The following RING1 variants were observed in gnomAD, a reference collection of about 807,000 sequenced individuals.
RING1 encodes ring finger protein 1.
RING1 carries 8 observed loss-of-function variants against 35.0 expected under a neutral mutation model. That is an observed-to-expected ratio of 0.23 (90% confidence interval 0.13 to 0.41). RING1 has a LOEUF of 0.41. Among genes scored for constraint, RING1 ranks in the 10% least tolerant of loss-of-function variants. The pLI, the probability that RING1 is intolerant of heterozygous loss-of-function variation, is 1.00. For missense variants in RING1, 343 were observed against 546.8 expected (o/e 0.63, Z 3.72); for synonymous variants, 214 against 224.3 (o/e 0.95, Z 0.41).
chr6:33,211,607 A>G lies in RING1; in HGVS notation c.845+60A>G. ...ACCAAAGATCACCTAGATTTCCATC[A>G]GAAGTGGGCTTTGCCCAAACCCAAA... On this transcript the variant is annotated intron_variant, in intron 5 of 6. Coordinates refer to ENST00000374656, the MANE Select transcript of RING1 (RefSeq NM_002931.4). This position sits in a 1 kb window ranked among gnomAD's most constrained non-coding sequence, Gnocchi z 6.3. 1 of 1,581,638 alleles carries G rather than the reference A, an allele frequency of 6.3e-7. No individual in the cohort carries two copies. Among genetic ancestry groups the G allele is most frequent in the Non-Finnish European group, 8.6e-7 (1 of 1,168,216 alleles).
Position 33,208,670 on chromosome 6 carries a change from C to A in RING1, c.-59+26C>A, listed in dbSNP as rs1046719372. Reference sequence around the variant, plus strand: ...GTGAGGGGCAGTGCCGGCGCGGGGGCGGGAGCGGGGGCGGAGAGGGGCGCT... The same window carrying A: ...GTGAGGGGCAGTGCCGGCGCGGGGGAGGGAGCGGGGGCGGAGAGGGGCGCT... On this transcript the variant is annotated intron_variant, in intron 1 of 6. Coordinates refer to ENST00000374656, the MANE Select transcript of RING1 (RefSeq NM_002931.4). The surrounding 1 kb of genome is among the most constrained non-coding windows in gnomAD (Gnocchi z 6.2). 4.7e-5 allele frequency: 29 copies of A among 613,186 alleles called. No homozygotes were observed. The Middle Eastern group carries it at 1.8e-3, about 37-fold the overall frequency. 38.0% of individuals were successfully genotyped at this position (613,186 alleles called of 1,614,324 possible). A position where few individuals can be genotyped will look rare whatever the true frequency, so the allele number is the denominator to read the frequency against.
Position 33,209,328 on chromosome 6 carries a change from T to A in RING1, c.79-298T>A. 1.7e-6 allele frequency: 1 copy of A among 575,678 alleles called. No individual in the cohort carries two copies. Among genetic ancestry groups the A allele is most frequent in the Non-Finnish European group, 3.1e-6 (1 of 323,294 alleles). 35.7% of individuals were successfully genotyped at this position (575,678 alleles called of 1,614,324 possible). ...CAGGTAGCACCAGGACTTTAAAAAA[T>A]TTTGTTGAATAGTTTTTCCCAACCA... On this transcript the variant is annotated intron_variant, in intron 2 of 6. Transcript: ENST00000374656. The surrounding 1 kb of genome is among the most constrained non-coding windows in gnomAD (Gnocchi z 5.1).
In RING1 at chr6:33,211,572, C is replaced by T. The variant is rs749900494; in HGVS notation, c.845+25C>T. 6.2e-7 allele frequency: 1 copy of T among 1,601,170 alleles called. No homozygotes were observed. The highest frequency in any genetic ancestry group is 8.5e-7 in the Non-Finnish European group (1 of 1,177,076). Reference sequence around the variant, plus strand: ...GGTGAGGAGCCCTGTCTTTCCCCAGCCACTGAGAAACCAAAGATCACCTAG... The same window carrying T: ...GGTGAGGAGCCCTGTCTTTCCCCAGTCACTGAGAAACCAAAGATCACCTAG... On this transcript the variant is annotated intron_variant, in intron 5 of 6. Coordinates refer to ENST00000374656, the MANE Select transcript of RING1 (RefSeq NM_002931.4). The surrounding 1 kb of genome is among the most constrained non-coding windows in gnomAD (Gnocchi z 6.3).
At position 33,208,963 on chromosome 6, in the gene RING1, A is replaced by C. The variant is rs966265554; in HGVS notation, c.78+63A>C. 1.2e-5 allele frequency: 16 copies of C among 1,309,032 alleles called. No individual in the cohort carries two copies. The highest frequency in any genetic ancestry group is 1.7e-5 in the Non-Finnish European group (16 of 919,094). 81.1% of individuals were successfully genotyped at this position (1,309,032 alleles called of 1,614,324 possible). On this transcript the variant is annotated intron_variant, in intron 2 of 6. Transcript: ENST00000374656. This position sits in a 1 kb window ranked among gnomAD's most constrained non-coding sequence, Gnocchi z 6.2. Reference sequence around the variant, plus strand: ...CCAAACCCTTATATCCACAGACCGCATCACACAGCTTCTTTTCCGTAATTT... The same window carrying C: ...CCAAACCCTTATATCCACAGACCGCCTCACACAGCTTCTTTTCCGTAATTT...
intron 6 of RING1, 22 bp downstream of exon 6, chr6:33,212,024 G>A: frequency 2.0e-6 from 3 of 1,495,818 alleles, no homozygotes; most frequent in Non-Finnish European, 2.7e-6. Flanking sequence ...TGAGGGCAGT[G>A]GTAGAAGAGG....
chr6:33,209,666 G>A lies in RING1; in HGVS notation c.119G>A (p.Arg40Gln), dbSNP rs1362114490. ...MDGTEIAVSP[R>Q]SLHSELMCPI... ...GGCACAGAGATTGCTGTTTCCCCTC[G>A]GTCACTGCATTCAGAACTCATGTGC... Residue 40 changes from arginine (R) to glutamine (Q), a missense_variant, in exon 3 of 7, where the codon CGG becomes CAG. By Grantham distance (43) the Arg-to-Gln change is conservative. Coordinates refer to ENST00000374656, the MANE Select transcript of RING1 (RefSeq NM_002931.4). The surrounding 1 kb of genome is among the most constrained non-coding windows in gnomAD (Gnocchi z 5.1). 1.9e-6 allele frequency: 3 copies of A among 1,612,846 alleles called. No homozygotes were observed. Among genetic ancestry groups the A allele is most frequent in the South Asian group, 2.2e-5 (2 of 91,076 alleles).
At position 33,212,435 on chromosome 6, in the gene RING1, G is replaced by T. The variant is rs746404253; in HGVS notation, c.*36G>T. ...GGACAGCCAGAGGAAGGGGACCATG[G>T]GGTATCCCTGTGTCCTGGTCTATCA... On this transcript the variant is annotated 3_prime_UTR_variant, in exon 7 of 7. Transcript: ENST00000374656. 10 of 1,375,686 alleles carry T rather than the reference G, an allele frequency of 7.3e-6. No individual in the cohort carries two copies. The African/African-American group carries it at 1.3e-4, about 18-fold the overall frequency. The allele number at this position is 1,375,686 out of a possible 1,614,324, so 85.2% of individuals were successfully genotyped here.
At position 33,211,598 on chromosome 6, in the gene RING1, A is replaced by G. The variant is rs1775542540; in HGVS notation, c.845+51A>G. On this transcript the variant is annotated intron_variant, in intron 5 of 6. Transcript: ENST00000374656. The surrounding 1 kb of genome is among the most constrained non-coding windows in gnomAD (Gnocchi z 6.3). ...CACTGAGAAACCAAAGATCACCTAGATTTCCATCAGAAGTGGGCTTTGCCC... is the reference window on the plus strand; with the variant it reads ...CACTGAGAAACCAAAGATCACCTAGGTTTCCATCAGAAGTGGGCTTTGCCC... The G allele has an allele frequency of 1.3e-6, 2 of 1,589,430 alleles. No homozygotes were observed. The highest frequency in any genetic ancestry group is 2.2e-5 in the East Asian group (1 of 44,760).
Position 33,211,111 on chromosome 6 carries a change from G to A in RING1, c.456-47G>A. On this transcript the variant is annotated intron_variant, in intron 4 of 6. Coordinates refer to ENST00000374656, the MANE Select transcript of RING1 (RefSeq NM_002931.4). This position sits in a 1 kb window ranked among gnomAD's most constrained non-coding sequence, Gnocchi z 6.3. The stretch of plus-strand genomic sequence containing the variant: ...TAATTCTCTGAAGTTTAAAGTCTAA[G>A]CCCTTTATCCTGGATGCCTTCTAAC... 1 of 1,517,906 alleles carries A rather than the reference G, an allele frequency of 6.6e-7. No individual in the cohort carries two copies. Among genetic ancestry groups the A allele is most frequent in the African/African-American group, 1.4e-5 (1 of 71,920 alleles). The allele number at this position is 1,517,906 out of a possible 1,614,324, so 94.0% of individuals were successfully genotyped here.
Position 33,209,069 on chromosome 6 carries a change from C to G in RING1, c.78+169C>G, listed in dbSNP as rs1487659924. ...ACTTTCGCATTTAGCTCATTTAATC[C>G]TCAAAACAGCCCTGCCAGAGAGGTG... On this transcript the variant is annotated intron_variant, in intron 2 of 6. Coordinates refer to ENST00000374656, the MANE Select transcript of RING1 (RefSeq NM_002931.4). The surrounding 1 kb of genome is among the most constrained non-coding windows in gnomAD (Gnocchi z 5.1). The G allele has an allele frequency of 1.4e-6, 1 of 716,076 alleles. No homozygotes were observed. Among genetic ancestry groups the G allele is most frequent in the Non-Finnish European group, 2.6e-6 (1 of 391,880 alleles). 44.4% of individuals were successfully genotyped at this position (716,076 alleles called of 1,614,324 possible).
chr6:33,210,505 G>T (rs966430124), intron 4 of RING1, among the ~76,000 whole-genome samples: 4 of 151,900 alleles, frequency 2.6e-5, no homozygotes, highest in East Asian at 1.9e-4. Context: ...GGAGGCTGAG[G>T]TAATAGGATC....
Position 33,212,577 on chromosome 6 carries a change from G to T in RING1, c.*178G>T, listed in dbSNP as rs1775626140. ...ATGAGATTCTTCTATATTGTACAGA[G>T]TGGGGCAAAACACGCCCCCATCTGC... is the stretch of plus-strand genomic sequence containing the variant. On this transcript the variant is annotated 3_prime_UTR_variant, in exon 7 of 7. Coordinates refer to ENST00000374656, the MANE Select transcript of RING1 (RefSeq NM_002931.4). The T allele has an allele frequency of 1.9e-6, 1 of 518,412 alleles. No individual in the cohort carries two copies. The highest frequency in any genetic ancestry group is 1.9e-5 in the African/African-American group (1 of 52,122). 32.1% of individuals were successfully genotyped at this position (518,412 alleles called of 1,614,324 possible).
Position 33,211,436 on chromosome 6 carries a change from G to C in RING1, c.734G>C (p.Gly245Ala), listed in dbSNP as rs756812489. 1 of 1,578,684 alleles carries C rather than the reference G, an allele frequency of 6.3e-7. No individual in the cohort carries two copies. The highest frequency in any genetic ancestry group is 1.4e-5 in the African/African-American group (1 of 74,010). Residue 245 changes from glycine to alanine, a missense_variant, in exon 5 of 7, where the codon GGC (glycine) becomes GCC (alanine). This residue lies in a region of RING1 where 278 missense variants were observed against 383.5 expected (regional missense o/e 0.72). Transcript: ENST00000374656. This position sits in a 1 kb window ranked among gnomAD's most constrained non-coding sequence, Gnocchi z 6.3. ...RGGTLGGGTLGPPSPPGAPSP... is the reference protein window; with the variant it reads ...RGGTLGGGTLAPPSPPGAPSP... ...GGGACTCTGGGAGGGGGAACGCTGG[G>C]CCCCCCAAGCCCTCCTGGGGCCCCC...
In RING1 at chr6:33,212,444, T is replaced by C. The variant is rs1056113007; in HGVS notation, c.*45T>C. The C allele has an allele frequency of 7.7e-7, 1 of 1,291,558 alleles. No homozygotes were observed. Among genetic ancestry groups the C allele is most frequent in the Non-Finnish European group, 1.1e-6 (1 of 910,494 alleles). 80.0% of individuals were successfully genotyped at this position (1,291,558 alleles called of 1,614,324 possible). ...GAGGAAGGGGACCATGGGGTATCCCTGTGTCCTGGTCTATCACCCCAGCTT... is the reference window on the plus strand; with the variant it reads ...GAGGAAGGGGACCATGGGGTATCCCCGTGTCCTGGTCTATCACCCCAGCTT... On this transcript the variant is annotated 3_prime_UTR_variant, in exon 7 of 7. Coordinates refer to ENST00000374656, the MANE Select transcript of RING1 (RefSeq NM_002931.4).
At chr6:33,212,221 C>T (rs1775597376) in intron 6 of RING1, 77 bp from the exon 7 acceptor site, 3 of 1,110,802 alleles carry the variant, frequency 2.7e-6, no homozygotes, top group Non-Finnish European at 4.0e-6. Context: ...CACCTTTTGC[C>T]TCTCATTCAT....
chr6:33,211,576 T>C lies in RING1; in HGVS notation c.845+29T>C. 1.9e-6 allele frequency: 3 copies of C among 1,599,082 alleles called. No homozygotes were observed. The highest frequency in any genetic ancestry group is 1.7e-6 in the Non-Finnish European group (2 of 1,176,374). ...AGGAGCCCTGTCTTTCCCCAGCCAC[T>C]GAGAAACCAAAGATCACCTAGATTT... On this transcript the variant is annotated intron_variant, in intron 5 of 6. Transcript: ENST00000374656. The surrounding 1 kb of genome is among the most constrained non-coding windows in gnomAD (Gnocchi z 6.3).
At chr6:33,210,699 A>G (rs975077994) in intron 4 of RING1, among the ~76,000 whole-genome samples, 1 of 152,102 alleles carries the variant, frequency 6.6e-6, no homozygotes, top group African/African-American at 2.4e-5. Flanking sequence ...TAAGCCCCGG[A>G]TTCATACTGC....
Position 33,211,187 on chromosome 6 carries a change from G to A in RING1, c.485G>A (p.Gly162Glu). 1 of 1,610,990 alleles carries A rather than the reference G, an allele frequency of 6.2e-7. No homozygotes were observed. The highest frequency in any genetic ancestry group is 1.3e-5 in the African/African-American group (1 of 74,984). ...RAQRVRRPIP[G>E]SDQTTTMSGG... The stretch of plus-strand genomic sequence containing the variant: ...CAGCGTGTGAGGCGGCCGATACCAG[G>A]GTCAGATCAGACCACAACGATGAGT... Residue 162 changes from glycine to glutamate, a missense_variant, in exon 5 of 7, where the codon GGG becomes GAG. This residue lies in a region of RING1 where 278 missense variants were observed against 383.5 expected (regional missense o/e 0.72). Coordinates refer to ENST00000374656, the MANE Select transcript of RING1 (RefSeq NM_002931.4). This position sits in a 1 kb window ranked among gnomAD's most constrained non-coding sequence, Gnocchi z 6.3.
Position 33,211,413 on chromosome 6 carries a change from G to A in RING1, c.711G>A (p.Gly237=). 6.4e-7 allele frequency: 1 copy of A among 1,561,220 alleles called. No individual in the cohort carries two copies. Among genetic ancestry groups the A allele is most frequent in the Non-Finnish European group, 8.7e-7 (1 of 1,152,592 alleles). Reference sequence around the variant, plus strand: ...CGGAAGACTCTGGTGACCGGGGAGGGACTCTGGGAGGGGGAACGCTGGGCC... The same window carrying A: ...CGGAAGACTCTGGTGACCGGGGAGGAACTCTGGGAGGGGGAACGCTGGGCC... The part of the protein sequence containing the change: ...AGSEDSGDRG[G]TLGGGTLGPP... Residue 237 remains glycine (G), a synonymous_variant, in exon 5 of 7, where the codon GGG becomes GGA. Coordinates refer to ENST00000374656, the MANE Select transcript of RING1 (RefSeq NM_002931.4). The surrounding 1 kb of genome is among the most constrained non-coding windows in gnomAD (Gnocchi z 6.3).
Sources: allele counts gnomAD v4.1 joint callset (sites outside exome capture counted in the v4.1 genomes callset), GRCh38; gene constraint gnomAD v4.1.1; regional missense constraint gnomAD v4.1.1; non-coding constraint Gnocchi (gnomAD v3.1); transcripts MANE v1.5; gene names NCBI Gene and HGNC (gene_info 2026-07-23, HGNC 2026-07-21).